FLYWCH1: variants seen among roughly 807,000 people sequenced by gnomAD.
FLYWCH1 encodes the protein FLYWCH-type zinc finger-containing protein 1.
Under a neutral mutation model 66.4 loss-of-function variants are expected in FLYWCH1, and 75 were observed. The ratio of observed to expected loss-of-function variants is 1.13; its 90% CI spans 0.94 to 1.37. The LOEUF (loss-of-function observed/expected upper bound fraction) is 1.37, where lower values mean the gene tolerates loss of function less well. Ranked by LOEUF, FLYWCH1 falls within the 40% of genes most tolerant of loss-of-function variation. FLYWCH1 has a pLI of 0.00. For synonymous variants in FLYWCH1, 595 were observed against 429.9 expected, an observed-to-expected ratio of 1.38 and a Z score of -4.75; for missense variants, 1,334 against 1,001.8, an observed-to-expected ratio of 1.33 and a Z score of -4.48.
intron 2 of FLYWCH1, among the ~76,000 whole-genome samples, chr16:2,920,557 G>T (rs2070334242): frequency 6.6e-6 from 1 of 151,012 alleles, no homozygotes; most frequent in South Asian, 2.1e-4. Flanking sequence ...CTTGGAATCT[G>T]AGTCATTCTG....
intron 2 of FLYWCH1, chr16:2,923,196 G>A: frequency 2.9e-6 from 1 of 344,214 alleles, no homozygotes; most frequent in Non-Finnish European, 5.6e-6. Context: ...GCTTTACAAG[G>A]GGCAGGAGCT....
intron 2 of FLYWCH1, among the ~76,000 whole-genome samples, chr16:2,920,839 C>T (rs556482160): frequency 1.0e-5 from 1 of 99,140 alleles, no homozygotes; most frequent in Admixed American, 1.4e-4. Flanking sequence ...CAACGCCTGG[C>T]CTTTTTTTTT....
rs147998076 is a variant in FLYWCH1 at position 2,919,119 on chromosome 16, A to G, written c.-74+4830A>G. Among the ~76,000 whole-genome samples, 464 of 151,900 alleles carry G rather than the reference A, an allele frequency of 3.1e-3. 1 individual carries two copies. Among genetic ancestry groups the G allele is most frequent in the African/African-American group, 0.011 (448 of 41,420 alleles). On this transcript the variant is annotated intron_variant, in intron 2 of 9. Coordinates refer to ENST00000253928, the MANE Select transcript of FLYWCH1 (RefSeq NM_001308068.2). ...CCTGATTAATCTTTTGTGTTTTAGT[A>G]GATGTTATCCAAGGTGGTCTCGATC...
At chr16:2,937,981 C>G (rs1404909968) in intron 7 of FLYWCH1, among the ~76,000 whole-genome samples, 1 of 152,166 alleles carries the variant, frequency 6.6e-6, no homozygotes, top group African/African-American at 2.4e-5. Flanking sequence ...CGTGCCCAGT[C>G]ATCCCCAGAG....
chr16:2,922,669 C>T (rs2070415770), intron 2 of FLYWCH1: 1 of 451,944 alleles, frequency 2.2e-6, no homozygotes, highest in Non-Finnish European at 4.3e-6. Context: ...TACATGATCT[C>T]CATTTTGTTG....
chr16:2,938,416 A>G lies in FLYWCH1; in HGVS notation c.2010A>G (p.Gln670=). The part of the protein sequence containing the change: ...PDLAGLEALR[Q]RERLPTTAQQ... ...TGGCAGGCCTGGAGGCCTTGAGGCA[A>G]CGGGAGCGGCTCCCCACCACGGCCC... is the stretch of plus-strand genomic sequence containing the variant. The change falls in exon 8 of 10, where the codon CAA becomes CAG. Residue 670 remains glutamine, a synonymous_variant. Transcript: ENST00000253928. 2 of 1,538,002 alleles carry G rather than the reference A, an allele frequency of 1.3e-6. No homozygotes were observed. Among genetic ancestry groups the G allele is most frequent in the Non-Finnish European group, 1.8e-6 (2 of 1,142,084 alleles).
chr16:2,921,712 G>A (rs918186438), intron 2 of FLYWCH1, among the ~76,000 whole-genome samples: 14 of 148,210 alleles, frequency 9.4e-5, no homozygotes, highest in Admixed American at 1.4e-4. Context: ...TAGTGATCAC[G>A]CCACCACACT....
Position 2,930,399 on chromosome 16 carries a change from C to T in FLYWCH1, c.326-11C>T, listed in dbSNP as rs372866713. On this transcript the variant is annotated splice_polypyrimidine_tract_variant and intron_variant, in intron 3 of 9. Transcript: ENST00000253928. Reference sequence around the variant, plus strand: ...TCTAGCTTAGCTAACCTAGCCTTCCCGTTCCCCCAGCAGCCCCTCAGTCCC... The same window carrying T: ...TCTAGCTTAGCTAACCTAGCCTTCCTGTTCCCCCAGCAGCCCCTCAGTCCC... 4.8e-5 allele frequency: 69 copies of T among 1,436,302 alleles called. No individual in the cohort carries two copies. The East Asian group carries it at 1.3e-3, about 28-fold the overall frequency. 89.0% of individuals were successfully genotyped at this position (1,436,302 alleles called of 1,614,324 possible). A position where few individuals can be genotyped will look rare whatever the true frequency, so the allele number is the denominator to read the frequency against.
chr16:2,937,743 C>T (rs1285536030), intron 7 of FLYWCH1, among the ~76,000 whole-genome samples: 1 of 152,210 alleles, frequency 6.6e-6, no homozygotes, highest in African/African-American at 2.4e-5. Flanking sequence ...TGCTTCTAGT[C>T]TCACGGGGTT....
chr16:2,938,149 T>A, intron 7 of FLYWCH1, 35 bp from the exon 8 acceptor site: 5 of 1,599,648 alleles, frequency 3.1e-6, no homozygotes, highest in Non-Finnish European at 4.3e-6. Context: ...CCCAGGCCCC[T>A]GTGGCCCCAC....
At chr16:2,946,069 TTG>T (rs2071474681) in intron 9 of FLYWCH1, among the ~76,000 whole-genome samples, 1 of 152,118 alleles carries the variant, frequency 6.6e-6, no homozygotes, top group Non-Finnish European at 1.5e-5. Flanking sequence ...TACAATGTAT[TTG>T]TGTTTTAAAC....
intron 4 of FLYWCH1, among the ~76,000 whole-genome samples, chr16:2,931,379 T>TTTGGGAG (rs1468251979): frequency 6.6e-6 from 1 of 151,400 alleles, no homozygotes; most frequent in Non-Finnish European, 1.5e-5. Flanking sequence ...ATCCTAGCAC[T>TTTGGGAG]TTGGGAGGCT....
At chr16:2,936,410 T>C (rs1273922957) in intron 6 of FLYWCH1, 1 of 455,888 alleles carries the variant, frequency 2.2e-6, no homozygotes, top group Non-Finnish European at 4.4e-6. Context: ...CCCAGCCCTC[T>C]CCATCCCTCT....
At chr16:2,937,512 TC>T in intron 7 of FLYWCH1, 128 bp downstream of exon 7, 1 of 1,140,442 alleles carries the variant, frequency 8.8e-7, no homozygotes, top group Non-Finnish European at 1.2e-6. Context: ...GGCCATAAAC[TC>T]CCCAGGGGCA....
At chr16:2,921,945 C>T (rs183665900) in intron 2 of FLYWCH1, among the ~76,000 whole-genome samples, 11 of 152,140 alleles carry the variant, frequency 7.2e-5, no homozygotes, top group Admixed American at 7.2e-4. Context: ...CGCCTGTAGT[C>T]CCAGCTACTC....
chr16:2,944,203 A>G (rs12051294), intron 9 of FLYWCH1, among the ~76,000 whole-genome samples: 42,817 of 151,726 alleles, frequency 0.28, 6,186 homozygotes, highest in Admixed American at 0.3. Flanking sequence ...CCTGGGGAAC[A>G]TGGAGAAACT....
intron 2 of FLYWCH1, among the ~76,000 whole-genome samples, chr16:2,920,038 A>G (rs1251234342): frequency 6.6e-6 from 1 of 152,198 alleles, no homozygotes; most frequent in East Asian, 1.9e-4. Context: ...AAGCGCCTTA[A>G]AGGCATTAGT....
rs1235138040 is a variant in FLYWCH1, at chr16:2,950,393, AG to A, written c.*1668del. ...CGCCCACAGGAGGCAGCCATGCCCG[AG>A]GAAGGTACTTGCTGAAAGATGGTCC... On this transcript the variant is annotated 3_prime_UTR_variant, in exon 10 of 10. Coordinates refer to ENST00000253928, the MANE Select transcript of FLYWCH1 (RefSeq NM_001308068.2). 1 of 152,378 alleles carries A rather than the reference AG, an allele frequency of 6.6e-6. No individual in the cohort carries two copies. The highest frequency in any genetic ancestry group is 1.5e-5 in the Non-Finnish European group (1 of 68,152). The allele number at this position is 152,378 out of a possible 1,614,324, so 9.4% of individuals were successfully genotyped here. A position where few individuals can be genotyped will look rare whatever the true frequency, so the allele number is the denominator to read the frequency against.
At position 2,930,327 on chromosome 16, in the gene FLYWCH1, T is replaced by C. The variant is rs1297263455; in HGVS notation, c.326-83T>C. ...GAGAAGGCACCTGCCATACTCAGGA[T>C]CCCCACGCCCTCCCTGGCTCTCTGT... On this transcript the variant is annotated intron_variant, in intron 3 of 9. Transcript: ENST00000253928. 7 of 834,592 alleles carry C rather than the reference T, an allele frequency of 8.4e-6. No homozygotes were observed. In the South Asian group the frequency reaches 9.8e-5, roughly 12 times the overall value. The allele number at this position is 834,592 out of a possible 1,614,324, so 51.7% of individuals were successfully genotyped here.
Sources: allele counts gnomAD v4.1 joint callset (sites outside exome capture counted in the v4.1 genomes callset), GRCh38; gene constraint gnomAD v4.1.1; transcripts MANE v1.5; gene names NCBI Gene and HGNC (gene_info 2026-07-23, HGNC 2026-07-21).